The following ERI1 variants were observed in gnomAD, a reference collection of about 807,000 sequenced individuals.
The protein encoded by ERI1 is 3'-5' exoribonuclease 1.
ERI1 carries 39 observed loss-of-function variants against 39.7 expected under a neutral mutation model. The observed-to-expected ratio is 0.98, with a 90% CI of 0.76 to 1.28. The LOEUF is 1.28. ERI1 is among the 50% of genes most tolerant of loss of function. The pLI, the probability that ERI1 is intolerant of heterozygous loss-of-function variation, is 0.00. For synonymous variants in ERI1, 204 were observed against 149.6 expected, an observed-to-expected ratio of 1.36 and a Z score of -2.65; for missense variants, 581 against 416.9, an observed-to-expected ratio of 1.39 and a Z score of -3.43.
intron 3 of ERI1, among the ~76,000 whole-genome samples, chr8:9,047,089 CT>C (rs1460707789): frequency 6.6e-6 from 1 of 152,204 alleles, no homozygotes; most frequent in African/African-American, 2.4e-5. Flanking sequence ...GCAAGCTGCT[CT>C]TTCCCAGAAG....
intron 3 of ERI1, among the ~76,000 whole-genome samples, chr8:9,015,722 C>CAAAAAAAAAAAAAAAAAAAAAAAAAA (rs758835506): frequency 1.8e-5 from 1 of 56,576 alleles, no homozygotes; most frequent in African/African-American, 8.2e-5. Flanking sequence ...ACTCTGTCTC[C>CAAAAAAAAAAAAAAAAAAAAAAAAAA]AAAAAAAAAA....
chr8:9,071,467 T>C (rs375330125), intron 3 of ERI1, among the ~76,000 whole-genome samples: 10 of 152,310 alleles, frequency 6.6e-5, no homozygotes, highest in African/African-American at 2.4e-4. Context: ...TGTGAAAAAT[T>C]TGGGGAACAT....
At chr8:9,053,833 C>A (rs938155688) in intron 3 of ERI1, among the ~76,000 whole-genome samples, 1 of 152,244 alleles carries the variant, frequency 6.6e-6, no homozygotes, top group African/African-American at 2.4e-5. Context: ...TAAGAATTCT[C>A]TTCTGAAAAG....
chr8:9,028,430 T>C (rs1797338382), intron 6 of ERI1, among the ~76,000 whole-genome samples: 1 of 152,212 alleles, frequency 6.6e-6, no homozygotes, highest in Non-Finnish European at 1.5e-5. Flanking sequence ...TATTACAGCT[T>C]AAGATAATTA....
chr8:9,034,947 T>G (rs941701922), downstream of ERI1, among the ~76,000 whole-genome samples: 4 of 152,164 alleles, frequency 2.6e-5, no homozygotes, highest in African/African-American at 9.7e-5. Flanking sequence ...GGAGAAAGTT[T>G]TAGTGGTGTG....
intron 3 of ERI1, among the ~76,000 whole-genome samples, chr8:9,015,166 G>T (rs1285775847): frequency 6.6e-6 from 1 of 152,006 alleles, no homozygotes; most frequent in Non-Finnish European, 1.5e-5. Context: ...CTTTACTGTT[G>T]CTCATTTACA....
chr8:9,033,951 A>G (rs572287529), downstream of ERI1, among the ~76,000 whole-genome samples: 3 of 152,094 alleles, frequency 2.0e-5, no homozygotes, highest in African/African-American at 7.2e-5. Flanking sequence ...GAATGAAACA[A>G]TATAAAATAC....
At chr8:9,022,138 G>GT (rs1485306930) in intron 6 of ERI1, among the ~76,000 whole-genome samples, 1 of 151,966 alleles carries the variant, frequency 6.6e-6, no homozygotes, top group African/African-American at 2.4e-5. Context: ...TATAGTTACT[G>GT]TAAGTTTTTG....
chr8:9,059,213 G>A (rs746146945), intron 3 of ERI1, among the ~76,000 whole-genome samples: 11 of 152,126 alleles, frequency 7.2e-5, no homozygotes, highest in Non-Finnish European at 1.3e-4. Context: ...CACTTGTTTT[G>A]TGGTGGAATG....
At chr8:9,013,269 G>T (rs146000769) in intron 3 of ERI1, among the ~76,000 whole-genome samples, 1 of 149,646 alleles carries the variant, frequency 6.7e-6, no homozygotes, top group Non-Finnish European at 1.5e-5. Flanking sequence ...CCTGCCTCAG[G>T]TTCCCCAAGT....
In ERI1 at chr8:9,030,082, G is replaced by A. The variant is rs371891566; in HGVS notation, c.*48G>A. The stretch of plus-strand genomic sequence containing the variant: ...TTCCAATTGAAGTTGCTATGAAGAG[G>A]TAGCAGATGAATCTCATTGAATTAG... On this transcript the variant is annotated 3_prime_UTR_variant, in exon 7 of 7. Coordinates refer to ENST00000250263, the MANE Select transcript of ERI1 (RefSeq NM_153332.4). 3.6e-5 allele frequency: 58 copies of A among 1,601,930 alleles called. No homozygotes were observed. The African/African-American group carries it at 7.4e-4, about 20-fold the overall frequency.
chr8:9,087,049 T>A (rs971046822), intron 3 of ERI1, among the ~76,000 whole-genome samples: 6 of 151,916 alleles, frequency 3.9e-5, no homozygotes, highest in African/African-American at 1.5e-4. Flanking sequence ...TTTTTGAATT[T>A]TACTTTAAGT....
rs978159321 is a variant in ERI1 at position 9,003,002 on chromosome 8, C to G, written c.-62C>G. On this transcript the variant is annotated 5_prime_UTR_variant, in exon 1 of 7. Coordinates refer to ENST00000250263, the MANE Select transcript of ERI1 (RefSeq NM_153332.4). The stretch of plus-strand genomic sequence containing the variant: ...CGGAGAAAGGCGAGGCTTTCGGGCT[C>G]TGCAGAGTGAGAGTTAGCAAGTGTC... 2.4e-5 allele frequency: 27 copies of G among 1,102,390 alleles called. No individual in the cohort carries two copies. Among genetic ancestry groups the G allele is most frequent in the Non-Finnish European group, 3.1e-5 (27 of 860,024 alleles). 68.3% of individuals were successfully genotyped at this position (1,102,390 alleles called of 1,614,324 possible). A position where few individuals can be genotyped will look rare whatever the true frequency, so the allele number is the denominator to read the frequency against.
chr8:9,071,113 G>A (rs1294199462), intron 3 of ERI1, among the ~76,000 whole-genome samples: 1 of 152,218 alleles, frequency 6.6e-6, no homozygotes, highest in African/African-American at 2.4e-5. Flanking sequence ...CTGTTGCTAA[G>A]ATTATTGAAC....
chr8:9,012,108 C>G (rs1816736553), intron 3 of ERI1, among the ~76,000 whole-genome samples: 1 of 152,160 alleles, frequency 6.6e-6, no homozygotes, highest in Non-Finnish European at 1.5e-5. Context: ...GATAGGGCCT[C>G]TGACATCAGC....
chr8:9,006,168 G>A (rs1816000382), intron 1 of ERI1, among the ~76,000 whole-genome samples: 1 of 152,190 alleles, frequency 6.6e-6, no homozygotes, highest in Non-Finnish European at 1.5e-5. Flanking sequence ...CTCCTTGGCA[G>A]ATTGATTTGA....
chr8:9,052,582 A>G (rs964354202), intron 3 of ERI1, among the ~76,000 whole-genome samples: 1 of 152,238 alleles, frequency 6.6e-6, no homozygotes, highest in African/African-American at 2.4e-5. Flanking sequence ...ATGAAGGGAC[A>G]TCTTTTGCAC....
intron 3 of ERI1, among the ~76,000 whole-genome samples, chr8:9,058,916 A>T (rs544866091): frequency 6.6e-6 from 1 of 152,286 alleles, no homozygotes; most frequent in African/African-American, 2.4e-5. Context: ...ACCAACTTTC[A>T]TGCGCGTCCG....
rs575032289 is a variant in ERI1, at chr8:9,051,828, A to G, written n.299+31364A>G. On this transcript the variant is annotated intron_variant and non_coding_transcript_variant, in intron 3 of 3. Coordinates refer to the ERI1 transcript ENST00000518663. ...ATGATCACTTCCTTTTCTCAGGCGAATGCACTCACTTATGAGAATTTTCAG... is the reference window on the plus strand; with the variant it reads ...ATGATCACTTCCTTTTCTCAGGCGAGTGCACTCACTTATGAGAATTTTCAG... Among the ~76,000 whole-genome samples, 5 of 152,318 alleles carry G rather than the reference A, an allele frequency of 3.3e-5. No homozygotes were observed. In the East Asian group the frequency reaches 9.6e-4, roughly 29 times the overall value.
Sources: gnomAD v4.1 joint callset for allele counts (sites outside exome capture counted in the v4.1 genomes callset) on GRCh38, gnomAD v4.1.1 for gene constraint, MANE v1.5 for transcripts, NCBI Gene and HGNC (gene_info 2026-07-23, HGNC 2026-07-21) for gene names.